Variants in PPIL4 observed in about 807,000 individuals in gnomAD.
PPIL4 encodes peptidyl-prolyl cis-trans isomerase-like 4.
In PPIL4, 50 loss-of-function variants were observed where a neutral mutation model predicts 69.1. The observed-to-expected ratio is 0.72, with a 90% CI of 0.58 to 0.92. PPIL4 has a LOEUF of 0.92. Ranked by LOEUF, PPIL4 falls within the 40% of genes least tolerant of loss-of-function variation. PPIL4 has a pLI of 0.00. For synonymous variants in PPIL4, 193 were observed against 191.6 expected (o/e 1.01, Z -0.06); for missense variants, 480 against 587.9 (o/e 0.82, Z 1.90).
Position 149,509,879 on chromosome 6 carries a change from C to A in PPIL4, c.1227+2276G>T, listed in dbSNP as rs1776817097. On this transcript the variant is annotated intron_variant, in intron 12 of 12. Transcript: ENST00000253329. ...TGTGAAAGGGGGATAAAAGAACCCA[C>A]CTTACATTGTAAGGACCAAAAAATA... Among the ~76,000 whole-genome samples, 2 of 152,164 alleles carry A rather than the reference C, an allele frequency of 1.3e-5. 1 individual carries two copies. Among genetic ancestry groups the A allele is most frequent in the South Asian group, 4.1e-4 (2 of 4,830 alleles).
At position 149,541,605 on chromosome 6, in the gene PPIL4, CA is replaced by C; in HGVS notation, c.71-20del. The C allele has an allele frequency of 7.5e-7, 1 of 1,333,748 alleles. No individual in the cohort carries two copies. Among genetic ancestry groups the C allele is most frequent in the Non-Finnish European group, 1.1e-6 (1 of 929,884 alleles). The allele number at this position is 1,333,748 out of a possible 1,614,324, so 82.6% of individuals were successfully genotyped here. ...AAGCAGGCTGAAAGAAAGTAAATAC[CA>C]AATTTATCACAGTAATCCACAAACA... On this transcript the variant is annotated intron_variant, in intron 1 of 12. Coordinates refer to ENST00000253329, the MANE Select transcript of PPIL4 (RefSeq NM_139126.4).
chr6:149,510,656 C>T (rs890430420), intron 12 of PPIL4, among the ~76,000 whole-genome samples: 4 of 151,986 alleles, frequency 2.6e-5, no homozygotes, highest in African/African-American at 9.7e-5. Context: ...GCAGGAGAAT[C>T]GCTTGAACCC....
chr6:149,526,354 G>T (rs940700016), intron 8 of PPIL4, among the ~76,000 whole-genome samples: 4 of 152,100 alleles, frequency 2.6e-5, no homozygotes, highest in African/African-American at 9.7e-5. Context: ...ATTAAAGAAG[G>T]CTGTTGAGAG....
At chr6:149,521,611 CT>C (rs35041684) in intron 9 of PPIL4, among the ~76,000 whole-genome samples, 3 of 152,112 alleles carry the variant, frequency 2.0e-5, no homozygotes, top group Admixed American at 1.3e-4. Context: ...AGGTTATGAC[CT>C]TTTTTTATCC....
rs1776848363 is a variant in PPIL4 at position 149,511,857 on chromosome 6, A to G, written c.1227+298T>C. ...TAAATGACAAAATCTTTTTCAGCAC[A>G]ACCACACTTGTTTCTGATGGGAATA... On this transcript the variant is annotated intron_variant, in intron 12 of 12. Transcript: ENST00000253329. Among the ~76,000 whole-genome samples, 3 of 152,246 alleles carry G rather than the reference A, an allele frequency of 2.0e-5. No individual in the cohort carries two copies. The South Asian group carries it at 6.2e-4, about 31-fold the overall frequency.
intron 1 of PPIL4, among the ~76,000 whole-genome samples, chr6:149,544,058 T>C (rs1467240022): frequency 6.6e-6 from 1 of 152,168 alleles, no homozygotes; most frequent in Admixed American, 6.5e-5. Flanking sequence ...GACTTATTGT[T>C]ATGGGCTTAT....
chr6:149,521,286 T>G, intron 9 of PPIL4, 115 bp from the exon 10 acceptor site: 1 of 671,874 alleles, frequency 1.5e-6, no homozygotes, highest in Non-Finnish European at 2.6e-6. Context: ...GAATACTTAT[T>G]ACACACCCGA....
intron 1 of PPIL4, 103 bp from the exon 2 acceptor site, chr6:149,541,689 A>T (rs529658825): frequency 1.6e-5 from 11 of 684,360 alleles, no homozygotes; most frequent in Admixed American, 8.0e-5. Context: ...TATTAAAAGA[A>T]AAAAAAAGTC....
intron 9 of PPIL4, among the ~76,000 whole-genome samples, chr6:149,523,981 T>C (rs17087579): frequency 0.067 from 10,174 of 152,230 alleles, 797 homozygotes; most frequent in African/African-American, 0.19. Flanking sequence ...CAACCCTCCA[T>C]GATTCATCTT....
intron 7 of PPIL4, among the ~76,000 whole-genome samples, chr6:149,527,986 T>C (rs1777136974): frequency 6.6e-6 from 1 of 152,204 alleles, no homozygotes; most frequent in Non-Finnish European, 1.5e-5. Context: ...CCAGGCATGA[T>C]AGCTCACACC....
At chr6:149,510,559 TG>T (rs1776828248) in intron 12 of PPIL4, among the ~76,000 whole-genome samples, 1 of 152,026 alleles carries the variant, frequency 6.6e-6, no homozygotes, top group Non-Finnish European at 1.5e-5. Context: ...CTGGCCAACT[TG>T]GTGAAACTCC....
chr6:149,528,593 T>A (rs1210305210), intron 7 of PPIL4, among the ~76,000 whole-genome samples: 2 of 152,128 alleles, frequency 1.3e-5, no homozygotes, highest in Admixed American at 6.6e-5. Context: ...CCTTTTAGAG[T>A]GACTAAAATC....
chr6:149,540,008 T>C (rs999595066), intron 4 of PPIL4, among the ~76,000 whole-genome samples: 3 of 152,062 alleles, frequency 2.0e-5, no homozygotes, highest in Non-Finnish European at 4.4e-5. Flanking sequence ...TGGGCATCTG[T>C]AATCCCGCTA....
chr6:149,525,308 C>T, intron 8 of PPIL4, 99 bp from the exon 9 acceptor site: 1 of 612,290 alleles, frequency 1.6e-6, no homozygotes, highest in Non-Finnish European at 2.9e-6. Flanking sequence ...TCAGTTACTA[C>T]AAGGCAAAGT....
At chr6:149,536,890 G>A (rs1777285376) in intron 4 of PPIL4, among the ~76,000 whole-genome samples, 1 of 152,292 alleles carries the variant, frequency 6.6e-6, no homozygotes, top group South Asian at 2.1e-4. Flanking sequence ...CACTTTAGGA[G>A]GCCGAGGCAG....
chr6:149,509,484 A>G (rs1269183037), intron 12 of PPIL4, among the ~76,000 whole-genome samples: 2 of 152,234 alleles, frequency 1.3e-5, no homozygotes, highest in Non-Finnish European at 2.9e-5. Flanking sequence ...TGGAGGGGGA[A>G]AGAATTCAGA....
chr6:149,531,666 T>C (rs935947943), intron 7 of PPIL4, among the ~76,000 whole-genome samples: 1 of 152,108 alleles, frequency 6.6e-6, no homozygotes, highest in Non-Finnish European at 1.5e-5. Flanking sequence ...ATATAAACTG[T>C]AATTTCTTTT....
Position 149,533,578 on chromosome 6 carries a change from T to C in PPIL4, c.562-4A>G, listed in dbSNP as rs376796219. ...CATCTGCTCCTATTCGACCACTCTG[T>C]TAAGACAGAAGTTACTCATGTATAT... On this transcript the variant is annotated splice_region_variant and splice_polypyrimidine_tract_variant and intron_variant, in intron 6 of 12. Coordinates refer to ENST00000253329, the MANE Select transcript of PPIL4 (RefSeq NM_139126.4). 318 of 1,543,694 alleles carry C rather than the reference T, an allele frequency of 2.1e-4. No homozygotes were observed. Among genetic ancestry groups the C allele is most frequent in the Non-Finnish European group, 2.7e-4 (302 of 1,118,496 alleles).
At position 149,542,489 on chromosome 6, in the gene PPIL4, C is replaced by T. The variant is rs543513110; in HGVS notation, c.71-903G>A. Among the ~76,000 whole-genome samples, 6 of 152,282 alleles carry T rather than the reference C, an allele frequency of 3.9e-5. No individual in the cohort carries two copies. In the South Asian group the frequency reaches 8.3e-4, roughly 21 times the overall value. Reference sequence around the variant, plus strand: ...AGTCGTGGAAAGACACATTAACAAGCTCTTAAGGCACTAAGTTAGAAACCA... The same window carrying T: ...AGTCGTGGAAAGACACATTAACAAGTTCTTAAGGCACTAAGTTAGAAACCA... On this transcript the variant is annotated intron_variant, in intron 1 of 12. Coordinates refer to ENST00000253329, the MANE Select transcript of PPIL4 (RefSeq NM_139126.4).
Sources: allele counts gnomAD v4.1 joint callset (sites outside exome capture counted in the v4.1 genomes callset), GRCh38; gene constraint gnomAD v4.1.1; transcripts MANE v1.5; gene names NCBI Gene and HGNC (gene_info 2026-07-23, HGNC 2026-07-21).